Variants in WDR7 observed in about 807,000 individuals in gnomAD.
WDR7 encodes WD repeat domain 7, also known as WD repeat-containing protein 7.
In WDR7, 46 loss-of-function variants were observed where a neutral mutation model predicts 169.4. The observed-to-expected ratio is 0.27, with a 90% CI of 0.21 to 0.35. WDR7 has a LOEUF of 0.35. Ranked by LOEUF, WDR7 falls within the 10% of genes least tolerant of loss-of-function variation. The pLI is 1.00. For synonymous variants in WDR7, 612 were observed against 666.8 expected, an observed-to-expected ratio of 0.92 and a Z score of 1.27; for missense variants, 1,534 against 1,859.3, an observed-to-expected ratio of 0.83 and a Z score of 3.22.
chr18:56,712,729 A>C (rs925381012), intron 12 of WDR7, among the ~76,000 whole-genome samples: 5 of 152,234 alleles, frequency 3.3e-5, no homozygotes, highest in African/African-American at 1.2e-4. Flanking sequence ...CTGTTCCATA[A>C]CAATACAAAT....
At chr18:56,865,862 G>T (rs1428518313) in intron 20 of WDR7, among the ~76,000 whole-genome samples, 2 of 151,970 alleles carry the variant, frequency 1.3e-5, no homozygotes, top group Admixed American at 6.6e-5. Flanking sequence ...ACATTTTTTA[G>T]ATAGCTTTGT....
chr18:56,840,123 T>C (rs1300358514), intron 20 of WDR7, among the ~76,000 whole-genome samples: 1 of 151,668 alleles, frequency 6.6e-6, no homozygotes, highest in Non-Finnish European at 1.5e-5. Context: ...CTGAAAGGAC[T>C]CATGATGGGG....
intron 7 of WDR7, among the ~76,000 whole-genome samples, chr18:56,687,309 T>C (rs2025462675): frequency 6.6e-6 from 1 of 152,250 alleles, no homozygotes; most frequent in Non-Finnish European, 1.5e-5. Context: ...TAGGGTGTTA[T>C]TAAAGCTAAT....
chr18:56,811,657 A>G (rs1175080139), intron 19 of WDR7, among the ~76,000 whole-genome samples: 4 of 152,216 alleles, frequency 2.6e-5, no homozygotes, highest in Non-Finnish European at 5.9e-5. Context: ...CTATTTATAT[A>G]AATTATGAGC....
intron 26 of WDR7, among the ~76,000 whole-genome samples, chr18:57,015,237 A>G (rs72930644): frequency 4.5e-3 from 688 of 152,332 alleles, no homozygotes; most frequent in Non-Finnish European, 7.7e-3. Context: ...GCCTATGCAC[A>G]AAGAGACTTG....
intron 9 of WDR7, among the ~76,000 whole-genome samples, chr18:56,693,078 A>T (rs2025613167): frequency 6.6e-6 from 1 of 152,212 alleles, no homozygotes; most frequent in Non-Finnish European, 1.5e-5. Context: ...AGCAAAAAAA[A>T]TTCAGTAAGT....
At chr18:56,911,498 C>T (rs1187081509) in intron 21 of WDR7, among the ~76,000 whole-genome samples, 1 of 152,114 alleles carries the variant, frequency 6.6e-6, no homozygotes, top group East Asian at 1.9e-4. Context: ...AGTGTTTGTC[C>T]ATTTACCAAC....
chr18:56,776,458 T>C (rs563118827), intron 16 of WDR7, among the ~76,000 whole-genome samples: 1 of 152,256 alleles, frequency 6.6e-6, no homozygotes, highest in Admixed American at 6.5e-5. Context: ...TGAATAACAT[T>C]TTTGCTAATT....
Position 56,902,387 on chromosome 18 carries a change from A to G in WDR7, c.3527-21535A>G, listed in dbSNP as rs191413209. Among the ~76,000 whole-genome samples, 9 of 152,316 alleles carry G rather than the reference A, an allele frequency of 5.9e-5. No homozygotes were observed. In the East Asian group the frequency reaches 1.7e-3, roughly 29 times the overall value. On this transcript the variant is annotated intron_variant, in intron 21 of 27. Transcript: ENST00000254442. ...TGTGGACATTTATATAGGGACATGT[A>G]TATATAATTATATAATGTGCTTATT...
At chr18:56,852,726 A>G (rs539765248) in intron 20 of WDR7, among the ~76,000 whole-genome samples, 2 of 152,266 alleles carry the variant, frequency 1.3e-5, no homozygotes, top group South Asian at 4.1e-4. Flanking sequence ...AAGCACATAC[A>G]TATATATACA....
chr18:57,007,338 T>A (rs2048076231), intron 26 of WDR7, among the ~76,000 whole-genome samples: 1 of 152,194 alleles, frequency 6.6e-6, no homozygotes, highest in South Asian at 2.1e-4. Context: ...AAAAAATAAT[T>A]ATACTTGGAG....
intron 27 of WDR7, among the ~76,000 whole-genome samples, chr18:57,024,415 C>T (rs1054350366): frequency 5.3e-5 from 8 of 152,020 alleles, no homozygotes; most frequent in African/African-American, 1.2e-4. Context: ...ACATTCATGC[C>T]GAATTTGAAG....
intron 22 of WDR7, among the ~76,000 whole-genome samples, chr18:56,926,512 TATTTTGTTTG>T (rs2046811322): frequency 6.6e-6 from 1 of 152,186 alleles, no homozygotes; most frequent in Non-Finnish European, 1.5e-5. Context: ...TAGTATTTAA[TATTTTGTTTG>T]ATTTTGTTTT....
chr18:56,889,417 G>T (rs1244542756), intron 21 of WDR7, among the ~76,000 whole-genome samples: 3 of 152,120 alleles, frequency 2.0e-5, no homozygotes, highest in African/African-American at 7.2e-5. Flanking sequence ...TTTACTGTTT[G>T]CCAGACATTT....
chr18:56,863,116 AATT>A (rs2045831859), intron 20 of WDR7, among the ~76,000 whole-genome samples: 1 of 151,792 alleles, frequency 6.6e-6, no homozygotes, highest in Admixed American at 6.6e-5. Flanking sequence ...TAAAGGCATG[AATT>A]ATTTGAAAAC....
At chr18:57,020,635 A>T in intron 26 of WDR7, 110 bp from the exon 27 acceptor site, 1 of 923,752 alleles carries the variant, frequency 1.1e-6, no homozygotes, top group Non-Finnish European at 1.7e-6. Flanking sequence ...AGAAGATAAC[A>T]GCATCTAATA....
intron 26 of WDR7, among the ~76,000 whole-genome samples, chr18:56,990,055 TA>T (rs1275009052): frequency 1.3e-5 from 2 of 152,222 alleles, no homozygotes; most frequent in Non-Finnish European, 2.9e-5. Context: ...ATTTTTTAAT[TA>T]ATTTTGGTTT....
chr18:56,930,463 T>A (rs2046868059), intron 22 of WDR7, among the ~76,000 whole-genome samples: 1 of 150,276 alleles, frequency 6.7e-6, no homozygotes, highest in African/African-American at 2.5e-5. Context: ...TATAAATAAA[T>A]CCTATTAGCA....
At chr18:56,892,418 T>C (rs2046276384) in intron 21 of WDR7, among the ~76,000 whole-genome samples, 1 of 152,138 alleles carries the variant, frequency 6.6e-6, no homozygotes, top group African/African-American at 2.4e-5. Flanking sequence ...TAACTCATTT[T>C]CCACACATGT....
Sources: gnomAD v4.1 joint callset for allele counts (sites outside exome capture counted in the v4.1 genomes callset) on GRCh38, gnomAD v4.1.1 for gene constraint, MANE v1.5 for transcripts, NCBI Gene and HGNC (gene_info 2026-07-23, HGNC 2026-07-21) for gene names.